The following SEMA3A variants were observed in gnomAD, a reference collection of about 807,000 sequenced individuals.
SEMA3A encodes the protein semaphorin-3A.
A neutral mutation model predicts 97.9 loss-of-function variants in SEMA3A; 29 were observed. The observed-to-expected ratio is 0.30, with a 90% CI of 0.22 to 0.40. The LOEUF (loss-of-function observed/expected upper bound fraction) is 0.40, where lower values mean the gene tolerates loss of function less well. SEMA3A is among the 10% of genes least tolerant of loss of function. The probability of loss-of-function intolerance (pLI) is 1.00; values close to 1 mark genes in which losing one functional copy is unlikely to be tolerated. For missense variants in SEMA3A, 763 were observed against 951.3 expected (o/e 0.80, Z 2.60); for synonymous variants, 321 against 323.7 (o/e 0.99, Z 0.09).
chr7:84,071,175 T>C (rs1793726213), intron 4 of SEMA3A, among the ~76,000 whole-genome samples: 1 of 152,130 alleles, frequency 6.6e-6, no homozygotes, highest in African/African-American at 2.4e-5. Context: ...TTCGTCAGCT[T>C]CATGAGTCAC....
chr7:84,191,156 T>C (rs912771340), intron 1 of SEMA3A, among the ~76,000 whole-genome samples: 4 of 151,206 alleles, frequency 2.6e-5, no homozygotes, highest in African/African-American at 9.7e-5. Context: ...TGATCTTCTC[T>C]TGTCACACAT....
At chr7:83,980,623 A>AAAAAAAAAAAAAAAAAAAAT (rs1310318006) in intron 14 of SEMA3A, among the ~76,000 whole-genome samples, 1 of 71,758 alleles carries the variant, frequency 1.4e-5, no homozygotes, top group Non-Finnish European at 2.4e-5. Flanking sequence ...AAAAAAAAAA[A>AAAAAAAAAAAAAAAAAAAAT]ATATATATAT....
chr7:84,013,033 T>C (rs1790947239), intron 7 of SEMA3A, among the ~76,000 whole-genome samples: 1 of 152,126 alleles, frequency 6.6e-6, no homozygotes, highest in South Asian at 2.1e-4. Context: ...TAATTGAATA[T>C]AGTAGAGGTA....
intron 1 of SEMA3A, among the ~76,000 whole-genome samples, chr7:84,433,931 T>C (rs1562946803): frequency 6.6e-6 from 1 of 152,076 alleles, no homozygotes; most frequent in African/African-American, 2.4e-5. Context: ...TTGTGTTTTT[T>C]TTGTAAATTT....
chr7:84,443,989 C>T (rs147147435), intron 1 of SEMA3A, among the ~76,000 whole-genome samples: 3,981 of 146,816 alleles, frequency 0.027, 168 homozygotes, highest in African/African-American at 0.093. Flanking sequence ...TGGGTTCAAG[C>T]GATTCTCCTG....
chr7:84,324,757 A>G (rs1486582907), intron 2 of SEMA3A, among the ~76,000 whole-genome samples: 1 of 152,172 alleles, frequency 6.6e-6, no homozygotes, highest in Non-Finnish European at 1.5e-5. Flanking sequence ...ATACCAAAAT[A>G]TGCTTAGCTG....
At chr7:83,989,917 A>C (rs2116344088) in intron 12 of SEMA3A, among the ~76,000 whole-genome samples, 1 of 151,268 alleles carries the variant, frequency 6.6e-6, no homozygotes, top group Non-Finnish European at 1.5e-5. Flanking sequence ...TGGTAGAACT[A>C]GTTTACAGTC....
intron 12 of SEMA3A, among the ~76,000 whole-genome samples, chr7:83,990,865 G>T (rs1203664675): frequency 3.3e-5 from 5 of 151,272 alleles, no homozygotes; most frequent in Non-Finnish European, 7.4e-5. Context: ...GAAAGGCATT[G>T]GTAGCTTGAT....
intron 12 of SEMA3A, among the ~76,000 whole-genome samples, chr7:83,994,560 T>C (rs953110355): frequency 6.6e-5 from 9 of 136,540 alleles, no homozygotes; most frequent in African/African-American, 8.2e-5. Context: ...TGCAGGTCTG[T>C]TGGAATACCC....
intron 2 of SEMA3A, among the ~76,000 whole-genome samples, chr7:84,363,237 A>G (rs1378454504): frequency 6.6e-6 from 1 of 151,982 alleles, no homozygotes; most frequent in Non-Finnish European, 1.5e-5. Context: ...TTCTGGACCT[A>G]ATTCCAAACC....
chr7:84,057,395 G>A (rs1198536464), intron 5 of SEMA3A, among the ~76,000 whole-genome samples: 1 of 152,142 alleles, frequency 6.6e-6, no homozygotes, highest in Non-Finnish European at 1.5e-5. Flanking sequence ...TAGCAGGTGA[G>A]TAATTGCTAT....
intron 3 of SEMA3A, among the ~76,000 whole-genome samples, chr7:84,230,739 C>T (rs367855470): frequency 1.4e-3 from 211 of 152,012 alleles, no homozygotes; most frequent in African/African-American, 4.7e-3. Context: ...TGTCCTCAAG[C>T]TTGTAATCTT....
intron 3 of SEMA3A, among the ~76,000 whole-genome samples, chr7:84,274,263 C>T (rs1290286711): frequency 6.6e-6 from 1 of 152,102 alleles, no homozygotes; most frequent in African/African-American, 2.4e-5. Flanking sequence ...GCCACTCTAA[C>T]TTGACTTGGT....
At chr7:84,333,030 C>T (rs1265587865) in intron 2 of SEMA3A, among the ~76,000 whole-genome samples, 1 of 151,986 alleles carries the variant, frequency 6.6e-6, no homozygotes, top group African/African-American at 2.4e-5. Context: ...TTTAGGGAGT[C>T]AATTCATTAG....
chr7:84,115,209 T>G (rs972109078), intron 3 of SEMA3A, among the ~76,000 whole-genome samples: 1 of 152,114 alleles, frequency 6.6e-6, no homozygotes, highest in Non-Finnish European at 1.5e-5. Flanking sequence ...CCATTAAACC[T>G]ATGATAACTG....
chr7:84,126,005 G>T (rs1164061699), intron 3 of SEMA3A, among the ~76,000 whole-genome samples: 1 of 152,002 alleles, frequency 6.6e-6, no homozygotes, highest in Non-Finnish European at 1.5e-5. Context: ...ACACTGCAGT[G>T]GTCATAACCA....
At chr7:84,479,778 G>C (rs1334070284) in intron 1 of SEMA3A, among the ~76,000 whole-genome samples, 2 of 152,108 alleles carry the variant, frequency 1.3e-5, no homozygotes, top group African/African-American at 4.8e-5. Context: ...TCTGCATTAA[G>C]ATGACTTCAA....
intron 1 of SEMA3A, among the ~76,000 whole-genome samples, chr7:84,416,359 T>G (rs572886694): frequency 1.4e-4 from 22 of 152,240 alleles, no homozygotes; most frequent in Non-Finnish European, 8.8e-5. Flanking sequence ...TTCTGAGGCC[T>G]CCCCAGCCAT....
At chr7:84,114,092 G>T (rs1795352847) in intron 3 of SEMA3A, among the ~76,000 whole-genome samples, 1 of 152,022 alleles carries the variant, frequency 6.6e-6, no homozygotes, top group African/African-American at 2.4e-5. Context: ...GACTTTTCCT[G>T]GACGGTTACA....
Sources: allele counts gnomAD v4.1 joint callset (sites outside exome capture counted in the v4.1 genomes callset), GRCh38; gene constraint gnomAD v4.1.1; transcripts MANE v1.5; gene names NCBI Gene and HGNC (gene_info 2026-07-23, HGNC 2026-07-21).